The following ARHGAP32 variants were observed in gnomAD, a reference collection of about 807,000 sequenced individuals.
ARHGAP32 encodes the protein rho GTPase-activating protein 32.
ARHGAP32 carries 51 observed loss-of-function variants against 186.5 expected under a neutral mutation model. The observed-to-expected ratio is 0.27, with a 90% CI of 0.22 to 0.35. ARHGAP32 has a LOEUF of 0.35. Ranked by LOEUF, ARHGAP32 falls within the 10% of genes least tolerant of loss-of-function variation. The pLI, the probability that ARHGAP32 is intolerant of heterozygous loss-of-function variation, is 1.00. For missense variants in ARHGAP32, 2,186 were observed against 2,623.5 expected, an observed-to-expected ratio of 0.83 and a Z score of 3.64; for synonymous variants, 950 against 964.3, an observed-to-expected ratio of 0.99 and a Z score of 0.27.
chr11:129,125,979 T>A (rs1942650206), intron 2 of ARHGAP32: 16 of 429,130 alleles, frequency 3.7e-5, no homozygotes, highest in South Asian at 2.7e-4. Flanking sequence ...CAATGAAACT[T>A]TTTATAAATA....
At chr11:129,027,257 C>T (rs1278643527) in intron 11 of ARHGAP32, among the ~76,000 whole-genome samples, 1 of 152,152 alleles carries the variant, frequency 6.6e-6, no homozygotes, top group Non-Finnish European at 1.5e-5. Context: ...TCTCACCTGG[C>T]TCATTTCAAC....
chr11:129,136,617 A>C (rs1463585435), intron 2 of ARHGAP32, among the ~76,000 whole-genome samples: 1 of 152,172 alleles, frequency 6.6e-6, no homozygotes, highest in East Asian at 1.9e-4. Flanking sequence ...TAGAATAATA[A>C]ATCAAATCTA....
chr11:129,109,762 T>C (rs1244493643), intron 5 of ARHGAP32, among the ~76,000 whole-genome samples: 4 of 152,106 alleles, frequency 2.6e-5, no homozygotes, highest in African/African-American at 9.7e-5. Context: ...CACTTTTTAA[T>C]GAGATTTGTG....
chr11:129,136,144 G>GA lies in ARHGAP32; in HGVS notation c.226-11251dup, dbSNP rs201796953. ...TAACCTAAAAAAAGACAACCTAACAGAAAAAAAAGGCAAAACTTGAATGAG... is the reference window on the plus strand; with the variant it reads ...TAACCTAAAAAAAGACAACCTAACAGAAAAAAAAAGGCAAAACTTGAATGAG... On this transcript the variant is annotated intron_variant, in intron 2 of 22. Transcript: ENST00000682385. 1.8e-3 allele frequency among the ~76,000 whole-genome samples: 280 copies of GA among 151,374 alleles called. 3 individuals are homozygous for GA. The highest frequency in any genetic ancestry group is 6.5e-3 in the African/African-American group (266 of 41,232).
At chr11:129,215,596 G>C (rs1944635359) in intron 1 of ARHGAP32, among the ~76,000 whole-genome samples, 1 of 151,872 alleles carries the variant, frequency 6.6e-6, no homozygotes, top group Admixed American at 6.6e-5. Flanking sequence ...TACATTCCTT[G>C]GCTCATGACC....
intron 11 of ARHGAP32, among the ~76,000 whole-genome samples, chr11:129,014,420 C>T (rs886903182): frequency 6.6e-5 from 10 of 152,142 alleles, no homozygotes; most frequent in African/African-American, 2.4e-4. Context: ...TTCTTGCTTG[C>T]TCATAATACT....
intron 1 of ARHGAP32, among the ~76,000 whole-genome samples, chr11:129,198,664 C>T (rs1289944982): frequency 6.6e-6 from 1 of 152,022 alleles, no homozygotes; most frequent in African/African-American, 2.4e-5. Context: ...GTCAATTAAA[C>T]CTCTTTCCTT....
At position 128,981,892 on chromosome 11, in the gene ARHGAP32, T is replaced by C. The variant is rs138190559; in HGVS notation, c.1571A>G (p.Tyr524Cys). ...TGCATGCATATTTGTGATGGAACAATAGTCAGCTAGAAGAGACAAGTGTCT... is the reference window on the plus strand; with the variant it reads ...TGCATGCATATTTGTGATGGAACAACAGTCAGCTAGAAGAGACAAGTGTCT... The part of the protein sequence containing the change: ...LMRHLSLLAD[Y>C]CSITNMHAKN... Residue 524 changes from tyrosine (Y) to cysteine (C), a missense_variant, in exon 16 of 23, where the codon TAT (tyrosine) becomes TGT (cysteine). Transcript: ENST00000682385. The C allele has an allele frequency of 1.1e-5, 18 of 1,613,472 alleles. No individual in the cohort carries two copies. The highest frequency in any genetic ancestry group is 1.4e-5 in the Non-Finnish European group (17 of 1,179,726).
chr11:129,087,634 C>T (rs1053891050), intron 6 of ARHGAP32, among the ~76,000 whole-genome samples: 5 of 152,144 alleles, frequency 3.3e-5, no homozygotes, highest in African/African-American at 1.2e-4. Context: ...TTTTATAATA[C>T]TATTCTGTAT....
rs575769508 is a variant in ARHGAP32 at position 129,270,907 on chromosome 11, T to C, written c.-5+8239A>G. Among the ~76,000 whole-genome samples, 4 of 152,176 alleles carry C rather than the reference T, an allele frequency of 2.6e-5. No individual in the cohort carries two copies. The South Asian group carries it at 8.3e-4, about 32-fold the overall frequency. On this transcript the variant is annotated intron_variant, in intron 1 of 6. Transcript: ENST00000525234. The stretch of plus-strand genomic sequence containing the variant: ...CCTGTGCATTACTGGATGTTGGATG[T>C]TTAGCAGCCACTTTGGCCTCTACCC...
In ARHGAP32 at chr11:129,123,791, A is replaced by T; in HGVS notation, c.359+97T>A. ...AATTTTGACCCGAATCAATGTCCAT[A>T]GAAAAACTGCTATTTTCGGCAAATG... On this transcript the variant is annotated intron_variant, in intron 4 of 22. Coordinates refer to ENST00000682385, the MANE Select transcript of ARHGAP32 (RefSeq NM_001378024.1). This position sits in a 1 kb window ranked among gnomAD's most constrained non-coding sequence, Gnocchi z 4.6. The T allele has an allele frequency of 2.8e-6, 3 of 1,063,968 alleles. No homozygotes were observed. Among genetic ancestry groups the T allele is most frequent in the Non-Finnish European group, 3.8e-6 (3 of 780,770 alleles). 65.9% of individuals were successfully genotyped at this position (1,063,968 alleles called of 1,614,324 possible).
At position 129,088,994 on chromosome 11, in the gene ARHGAP32, T is replaced by TG. The variant is rs1565416702; in HGVS notation, c.531+4626_531+4627insC. ...GCCTGGGTGACAGAGAGAGACCTTG[T>TG]CAAAAAAAAAAAAAAAAAAAAAAAG... is the stretch of plus-strand genomic sequence containing the variant. On this transcript the variant is annotated intron_variant, in intron 6 of 22. Coordinates refer to ENST00000682385, the MANE Select transcript of ARHGAP32 (RefSeq NM_001378024.1). Among the ~76,000 whole-genome samples, 130 of 65,542 alleles carry TG rather than the reference T, an allele frequency of 2.0e-3. 4 individuals are homozygous for TG. Among genetic ancestry groups the TG allele is most frequent in the Non-Finnish European group, 2.2e-3 (88 of 39,534 alleles). 43.0% of individuals were successfully genotyped at this position (65,542 alleles called of 152,430 possible).
At position 129,128,430 on chromosome 11, in the gene ARHGAP32, T is replaced by A. The variant is rs535184233; in HGVS notation, c.226-3536A>T. ...CAGCCTTCAAGGAAAACAAAGAAACTGAGTATTGTTAACTACCCTAGAAAA... is the reference window on the plus strand; with the variant it reads ...CAGCCTTCAAGGAAAACAAAGAAACAGAGTATTGTTAACTACCCTAGAAAA... On this transcript the variant is annotated intron_variant, in intron 2 of 22. Coordinates refer to ENST00000682385, the MANE Select transcript of ARHGAP32 (RefSeq NM_001378024.1). Among the ~76,000 whole-genome samples, 9 of 152,310 alleles carry A rather than the reference T, an allele frequency of 5.9e-5. No homozygotes were observed. In the South Asian group the frequency reaches 1.7e-3, roughly 28 times the overall value.
chr11:129,049,493 C>G (rs1176466602), intron 10 of ARHGAP32, among the ~76,000 whole-genome samples: 1 of 152,152 alleles, frequency 6.6e-6, no homozygotes, highest in Non-Finnish European at 1.5e-5. Context: ...TCCATCAACC[C>G]CAAAAGTTTC....
intron 2 of ARHGAP32, among the ~76,000 whole-genome samples, chr11:129,128,836 C>T (rs972119283): frequency 2.6e-5 from 4 of 152,192 alleles, no homozygotes; most frequent in Non-Finnish European, 5.9e-5. Context: ...CTGCCTGCCT[C>T]GGCCTCCCGA....
intron 10 of ARHGAP32, among the ~76,000 whole-genome samples, chr11:129,048,438 A>T (rs1215700348): frequency 1.3e-5 from 2 of 152,290 alleles, no homozygotes; most frequent in Middle Eastern, 3.4e-3. Context: ...AAAGAAAATC[A>T]GATACTAATG....
At chr11:129,067,796 G>A (rs2840345) in intron 6 of ARHGAP32, among the ~76,000 whole-genome samples, 41,191 of 151,978 alleles carry the variant, frequency 0.27, 6,085 homozygotes, top group Middle Eastern at 0.4. Context: ...ATCTGCCCCA[G>A]ACAACTGGAG....
upstream of ARHGAP32, among the ~76,000 whole-genome samples, chr11:129,279,537 G>T (rs972677194): frequency 3.1e-3 from 455 of 145,090 alleles, 1 homozygote; most frequent in African/African-American, 0.011. Context: ...CCAGCTGGCC[G>T]GCGCGTGCCC....
intron 1 of ARHGAP32, among the ~76,000 whole-genome samples, chr11:129,236,037 G>C (rs1199067686): frequency 6.6e-6 from 1 of 152,090 alleles, no homozygotes; most frequent in Non-Finnish European, 1.5e-5. Flanking sequence ...ACATGCATGT[G>C]CAAGTATCTT....
Sources: gnomAD v4.1 joint callset for allele counts (sites outside exome capture counted in the v4.1 genomes callset) on GRCh38, gnomAD v4.1.1 for gene constraint, Gnocchi (gnomAD v3.1) non-coding constraint, MANE v1.5 for transcripts, NCBI Gene and HGNC (gene_info 2026-07-23, HGNC 2026-07-21) for gene names.